RYR2: variants seen among roughly 807,000 people sequenced by gnomAD.
RYR2 encodes cardiac muscle ryanodine receptor-calcium release channel.
RYR2 carries 227 observed loss-of-function variants against 601.1 expected under a neutral mutation model. That is an observed-to-expected ratio of 0.38 (90% CI 0.34 to 0.42). The LOEUF (loss-of-function observed/expected upper bound fraction) is 0.42, where lower values mean the gene tolerates loss of function less well. Among genes scored for constraint, RYR2 ranks in the 10% least tolerant of loss-of-function variants. RYR2 has a pLI of 1.00. For missense variants in RYR2, 4,646 were observed against 6,156.5 expected, an observed-to-expected ratio of 0.75 and a Z score of 8.21; for synonymous variants, 2,223 against 2,175.1, an observed-to-expected ratio of 1.02 and a Z score of -0.61.
intron 15 of RYR2, among the ~76,000 whole-genome samples, chr1:237,454,865 C>G (rs1463427648): frequency 2.6e-5 from 4 of 152,138 alleles, no homozygotes; most frequent in Non-Finnish European, 4.4e-5. Flanking sequence ...CTATAGTTCT[C>G]TTCATGTGGG....
chr1:237,580,469 TAAAAA>T (rs34856679), intron 29 of RYR2, among the ~76,000 whole-genome samples: 11 of 149,314 alleles, frequency 7.4e-5, no homozygotes, highest in South Asian at 2.1e-4. Context: ...AACAATGCTT[TAAAAA>T]AAAAAAAAAT....
chr1:237,473,004 T>G (rs1288792203), intron 17 of RYR2, among the ~76,000 whole-genome samples: 1 of 152,164 alleles, frequency 6.6e-6, no homozygotes, highest in Non-Finnish European at 1.5e-5. Context: ...TTTACTTTTT[T>G]TTTTAAATTG....
At chr1:237,602,165 C>A in intron 35 of RYR2, 54 bp downstream of exon 35, 1 of 1,357,288 alleles carries the variant, frequency 7.4e-7, no homozygotes, top group Non-Finnish European at 1.0e-6. Flanking sequence ...TAGGATATAG[C>A]ATTGATTTAT....
chr1:237,088,268 A>G (rs1395669112), intron 1 of RYR2, among the ~76,000 whole-genome samples: 3 of 152,104 alleles, frequency 2.0e-5, no homozygotes, highest in East Asian at 1.9e-4. Flanking sequence ...CCAAACGCAG[A>G]TGGTTAGTGA....
At chr1:237,742,023 G>C (rs1449575288) in intron 79 of RYR2, among the ~76,000 whole-genome samples, 1 of 152,192 alleles carries the variant, frequency 6.6e-6, no homozygotes, top group Non-Finnish European at 1.5e-5. Flanking sequence ...GTATGAATAA[G>C]TAGCGGGTAT....
At chr1:237,058,692 G>C (rs1030215480) in intron 1 of RYR2, among the ~76,000 whole-genome samples, 1 of 151,814 alleles carries the variant, frequency 6.6e-6, no homozygotes, top group Non-Finnish European at 1.5e-5. Context: ...AGGGCGGGCC[G>C]GATTACTTGA....
At chr1:237,344,266 T>C (rs1321655153) in intron 3 of RYR2, among the ~76,000 whole-genome samples, 1 of 152,236 alleles carries the variant, frequency 6.6e-6, no homozygotes, top group Non-Finnish European at 1.5e-5. Context: ...TTCTTGGATC[T>C]AGGTCTTTAA....
At chr1:237,398,234 G>C (rs1011904067) in intron 10 of RYR2, among the ~76,000 whole-genome samples, 3 of 152,110 alleles carry the variant, frequency 2.0e-5, no homozygotes, top group Admixed American at 6.5e-5. Flanking sequence ...CAGTCAGTTG[G>C]GGGGCTTGGT....
chr1:237,569,559 A>C (rs1672449196), intron 29 of RYR2, among the ~76,000 whole-genome samples: 1 of 152,206 alleles, frequency 6.6e-6, no homozygotes, highest in Non-Finnish European at 1.5e-5. Flanking sequence ...TATGAGTATG[A>C]ATAAGAAAAT....
At chr1:237,632,574 T>G (rs370115768) in intron 42 of RYR2, among the ~76,000 whole-genome samples, 3 of 151,950 alleles carry the variant, frequency 2.0e-5, no homozygotes, top group African/African-American at 7.2e-5. Context: ...TTTTTGGTAT[T>G]TTTAGTAGAA....
In RYR2 at chr1:237,660,156, A is replaced by C. The variant is rs1683638505; in HGVS notation, c.8298+82A>C. 9.9e-6 allele frequency: 7 copies of C among 708,444 alleles called. No homozygotes were observed. The South Asian group carries it at 2.5e-4, about 25-fold the overall frequency. 43.9% of individuals were successfully genotyped at this position (708,444 alleles called of 1,614,324 possible). On this transcript the variant is annotated intron_variant, in intron 55 of 104. Transcript: ENST00000366574. ...TTTTTTGGTTATATTTTTTATATTA[A>C]AATGTCTTCTTTATTTTAAATTTCA... is the stretch of plus-strand genomic sequence containing the variant.
chr1:237,551,575 T>C (rs963056320), intron 27 of RYR2, among the ~76,000 whole-genome samples: 17 of 150,182 alleles, frequency 1.1e-4, no homozygotes, highest in African/African-American at 4.0e-4. Context: ...TGATCCACTC[T>C]TTAATCCGTT....
intron 1 of RYR2, among the ~76,000 whole-genome samples, chr1:237,251,937 C>A (rs11811065): frequency 0.018 from 2,668 of 152,254 alleles, 86 homozygotes; most frequent in African/African-American, 0.06. Flanking sequence ...CGTTATCCCA[C>A]ATCAGCAAAT....
At chr1:237,233,826 A>T (rs1262778821) in intron 1 of RYR2, among the ~76,000 whole-genome samples, 6 of 151,524 alleles carry the variant, frequency 4.0e-5, no homozygotes, top group African/African-American at 1.5e-4. Flanking sequence ...AGCTGCGATG[A>T]CAGGGGCACA....
At chr1:237,550,768 A>AG (rs35894881) in intron 27 of RYR2, 77 bp downstream of exon 27, 1 of 1,436,976 alleles carries the variant, frequency 7.0e-7, no homozygotes, top group African/African-American at 1.4e-5. Context: ...AATGAATAAA[A>AG]GGGGGAGTAC....
chr1:237,329,029 T>C (rs1256770675), intron 2 of RYR2, among the ~76,000 whole-genome samples: 4 of 152,210 alleles, frequency 2.6e-5, no homozygotes, highest in African/African-American at 4.8e-5. Context: ...AGCGAAAGCA[T>C]ACATGATTAA....
chr1:237,739,071 A>G (rs977958536), intron 79 of RYR2, among the ~76,000 whole-genome samples: 5 of 152,174 alleles, frequency 3.3e-5, no homozygotes, highest in African/African-American at 9.7e-5. Context: ...ACTTTTCTGT[A>G]TTACAAACAT....
At chr1:237,714,331 A>T (rs1689081947) in intron 71 of RYR2, among the ~76,000 whole-genome samples, 1 of 152,214 alleles carries the variant, frequency 6.6e-6, no homozygotes, top group Admixed American at 6.5e-5. Flanking sequence ...TCATATAGTT[A>T]ATAAGTACTT....
At chr1:237,341,875 G>A (rs1483835095) in intron 3 of RYR2, among the ~76,000 whole-genome samples, 1 of 152,142 alleles carries the variant, frequency 6.6e-6, no homozygotes, top group African/African-American at 2.4e-5. Context: ...TTTGGGTTCG[G>A]TAATCCTCCA....
Sources: gnomAD v4.1 joint callset for allele counts (sites outside exome capture counted in the v4.1 genomes callset) on GRCh38, gnomAD v4.1.1 for gene constraint, MANE v1.5 for transcripts, NCBI Gene and HGNC (gene_info 2026-07-23, HGNC 2026-07-21) for gene names.